The following ADAMTS18 variants were observed in gnomAD, a reference collection of about 807,000 sequenced individuals.
The protein encoded by ADAMTS18 is ADAM metallopeptidase with thrombospondin type 1 motif 18, also known as A disintegrin and metalloproteinase with thrombospondin motifs 18.
Under a neutral mutation model 165.9 loss-of-function variants are expected in ADAMTS18, and 157 were observed. The observed-to-expected ratio is 0.95, with a 90% confidence interval of 0.83 to 1.08. The LOEUF (loss-of-function observed/expected upper bound fraction) is 1.08. Ranked by LOEUF, ADAMTS18 falls within the 50% of genes least tolerant of loss-of-function variation. The pLI, the probability that ADAMTS18 is intolerant of heterozygous loss-of-function variation, is 0.00. For missense variants in ADAMTS18, 2,040 were observed against 1,534.0 expected (o/e 1.33, Z -5.51); for synonymous variants, 782 against 578.2 (o/e 1.35, Z -5.06).
chr16:77,333,920 CTAAA>C (rs1277371309), intron 12 of ADAMTS18, among the ~76,000 whole-genome samples: 1 of 141,490 alleles, frequency 7.1e-6, no homozygotes, highest in African/African-American at 2.6e-5. Context: ...GTCCTATATA[CTAAA>C]TATAAATACT....
chr16:77,367,953 T>C (rs994751183), intron 3 of ADAMTS18, among the ~76,000 whole-genome samples: 1 of 152,188 alleles, frequency 6.6e-6, no homozygotes, highest in Non-Finnish European at 1.5e-5. Context: ...CATGGCCCAC[T>C]GCAGCCTTGA....
chr16:77,290,302 A>G (rs1397033811), intron 21 of ADAMTS18, among the ~76,000 whole-genome samples: 1 of 152,218 alleles, frequency 6.6e-6, no homozygotes, highest in South Asian at 2.1e-4. Context: ...TGTGGTCAAT[A>G]TATTAAGCAA....
At chr16:77,399,238 T>C (rs1242984056) in intron 3 of ADAMTS18, among the ~76,000 whole-genome samples, 3 of 152,154 alleles carry the variant, frequency 2.0e-5, no homozygotes, top group African/African-American at 7.2e-5. Context: ...AACTGTTAAC[T>C]GATAGGTAGT....
chr16:77,295,451 G>A (rs964664766), intron 18 of ADAMTS18, among the ~76,000 whole-genome samples: 5 of 152,106 alleles, frequency 3.3e-5, no homozygotes, highest in African/African-American at 1.2e-4. Context: ...ACTCTCCTAA[G>A]CATTAGGATT....
intron 16 of ADAMTS18, among the ~76,000 whole-genome samples, chr16:77,310,214 T>C (rs1415889529): frequency 6.6e-6 from 1 of 152,226 alleles, no homozygotes; most frequent in Non-Finnish European, 1.5e-5. Context: ...AACGAATGAA[T>C]TTTATCATTG....
chr16:77,289,223 T>C (rs1428596130), intron 22 of ADAMTS18, 41 bp downstream of exon 22: 2 of 1,612,046 alleles, frequency 1.2e-6, no homozygotes, highest in Non-Finnish European at 1.7e-6. Context: ...AAAAATTATC[T>C]AAAGACTAGT....
chr16:77,364,460 G>A, intron 4 of ADAMTS18, 79 bp from the exon 5 acceptor site: 2 of 1,472,126 alleles, frequency 1.4e-6, no homozygotes, highest in Non-Finnish European at 1.9e-6. Flanking sequence ...ACTGAAACAA[G>A]GGAAGAAGAG....
chr16:77,407,761 A>C (rs1335840607), intron 3 of ADAMTS18, among the ~76,000 whole-genome samples: 1 of 152,032 alleles, frequency 6.6e-6, no homozygotes, highest in African/African-American at 2.4e-5. Context: ...CTAGACCTGC[A>C]TTTCCTATCA....
chr16:77,370,734 G>C (rs951601534), intron 3 of ADAMTS18, among the ~76,000 whole-genome samples: 3 of 151,638 alleles, frequency 2.0e-5, no homozygotes, highest in South Asian at 2.1e-4. Context: ...TGGGCATTAA[G>C]AGCAAAACTC....
At chr16:77,292,489 C>T (rs764510533) in intron 20 of ADAMTS18, among the ~76,000 whole-genome samples, 1 of 152,156 alleles carries the variant, frequency 6.6e-6, no homozygotes, top group Non-Finnish European at 1.5e-5. Flanking sequence ...TTGATTCCTG[C>T]TCATTTTTCA....
At chr16:77,387,646 T>G (rs2057127977) in intron 3 of ADAMTS18, among the ~76,000 whole-genome samples, 1 of 152,192 alleles carries the variant, frequency 6.6e-6, no homozygotes, top group Non-Finnish European at 1.5e-5. Flanking sequence ...TGCGTATCAG[T>G]GGCTTGTCAT....
chr16:77,385,384 G>A (rs1033086624), intron 3 of ADAMTS18, among the ~76,000 whole-genome samples: 47 of 152,310 alleles, frequency 3.1e-4, no homozygotes, highest in African/African-American at 1.1e-3. Context: ...AGAAGGAATA[G>A]TTGACTTGTA....
chr16:77,291,864 C>A (rs185272420), intron 20 of ADAMTS18, among the ~76,000 whole-genome samples: 82 of 152,286 alleles, frequency 5.4e-4, no homozygotes, highest in Admixed American at 3.5e-3. Flanking sequence ...AGTTAGGAAT[C>A]TGAGTTGAAG....
At chr16:77,376,871 G>C (rs1030653332) in intron 3 of ADAMTS18, among the ~76,000 whole-genome samples, 4 of 142,520 alleles carry the variant, frequency 2.8e-5, no homozygotes, top group Non-Finnish European at 6.0e-5. Context: ...CTGGAGTGCA[G>C]TGGGGTGATC....
At chr16:77,369,808 A>G (rs1325819279) in intron 3 of ADAMTS18, among the ~76,000 whole-genome samples, 2 of 152,196 alleles carry the variant, frequency 1.3e-5, no homozygotes, top group African/African-American at 4.8e-5. Context: ...GGGTCAGTAT[A>G]CCTGATGAAC....
chr16:77,288,809 T>C (rs920072999), intron 22 of ADAMTS18, among the ~76,000 whole-genome samples: 3 of 152,124 alleles, frequency 2.0e-5, no homozygotes, highest in Admixed American at 1.3e-4. Flanking sequence ...TTCAGACCCA[T>C]GCAAACAAGA....
chr16:77,304,329 G>T (rs557645070), intron 16 of ADAMTS18, among the ~76,000 whole-genome samples: 11 of 152,220 alleles, frequency 7.2e-5, no homozygotes, highest in Non-Finnish European at 1.6e-4. Context: ...AGGTGTTGTA[G>T]TGTGTGCCTA....
At chr16:77,366,586 A>G (rs1209116441) in intron 4 of ADAMTS18, among the ~76,000 whole-genome samples, 2 of 152,210 alleles carry the variant, frequency 1.3e-5, no homozygotes, top group East Asian at 3.9e-4. Context: ...CAAAAACAAA[A>G]AAACAAGCAA....
intron 3 of ADAMTS18, among the ~76,000 whole-genome samples, chr16:77,426,062 C>A (rs1044502643): frequency 6.6e-6 from 1 of 151,306 alleles, no homozygotes; most frequent in Non-Finnish European, 1.5e-5. Flanking sequence ...CAAACAGAAA[C>A]GGGGAGTTGG....
Sources: gnomAD v4.1 joint callset for allele counts (sites outside exome capture counted in the v4.1 genomes callset) on GRCh38, gnomAD v4.1.1 for gene constraint, MANE v1.5 for transcripts, NCBI Gene and HGNC (gene_info 2026-07-23, HGNC 2026-07-21) for gene names.